SORL1: variants seen among roughly 807,000 people sequenced by gnomAD.
SORL1 encodes sortilin-related receptor.
A neutral mutation model predicts 273.7 loss-of-function variants in SORL1; 127 were observed. The observed-to-expected ratio is 0.46, with a 90% confidence interval of 0.40 to 0.54. The LOEUF (loss-of-function observed/expected upper bound fraction) is 0.54. Ranked by LOEUF, SORL1 falls within the 20% of genes least tolerant of loss-of-function variation. The probability of loss-of-function intolerance (pLI) is 0.00; values close to 1 mark genes in which losing one functional copy is unlikely to be tolerated. For synonymous variants in SORL1, 1,031 were observed against 1,067.4 expected (o/e 0.97, Z 0.66); for missense variants, 2,494 against 2,846.1 (o/e 0.88, Z 2.81).
intron 13 of SORL1, among the ~76,000 whole-genome samples, chr11:121,544,431 C>T (rs1862393312): frequency 6.6e-6 from 1 of 152,186 alleles, no homozygotes; most frequent in Non-Finnish European, 1.5e-5. Context: ...GTGTCTGTCA[C>T]TCGGTGTGTT....
rs376632694 is a variant in SORL1, at chr11:121,536,729, A to C, written c.1685+4177A>C. 1.7e-4 allele frequency among the ~76,000 whole-genome samples: 26 copies of C among 152,144 alleles called. 1 individual carries two copies. In the East Asian group the frequency reaches 3.9e-3, roughly 23 times the overall value. On this transcript the variant is annotated intron_variant, in intron 12 of 47. Coordinates refer to ENST00000260197, the MANE Select transcript of SORL1 (RefSeq NM_003105.6). Reference sequence around the variant, plus strand: ...GGTCTTTATCACCTTTTAACTGTTAAGAAACCGAGAAACGGAGTTGCAGTG... The same window carrying C: ...GGTCTTTATCACCTTTTAACTGTTACGAAACCGAGAAACGGAGTTGCAGTG...
chr11:121,536,648 A>G (rs745366844), intron 12 of SORL1, among the ~76,000 whole-genome samples: 12 of 151,614 alleles, frequency 7.9e-5, no homozygotes, highest in Non-Finnish European at 7.4e-5. Context: ...CCTGAGTTCA[A>G]AGTGATCCAC....
chr11:121,498,790 TG>T (rs1379601877), intron 6 of SORL1, among the ~76,000 whole-genome samples: 1 of 151,948 alleles, frequency 6.6e-6, no homozygotes, highest in Non-Finnish European at 1.5e-5. Flanking sequence ...GCAGGAGAAT[TG>T]CTTGAATTTG....
At chr11:121,541,377 A>T (rs962641476) in intron 12 of SORL1, among the ~76,000 whole-genome samples, 7 of 151,940 alleles carry the variant, frequency 4.6e-5, no homozygotes, top group East Asian at 1.9e-4. Context: ...CTAATTTTTT[A>T]AAAAAATTTT....
At chr11:121,617,214 G>C (rs1591355609) in intron 41 of SORL1, among the ~76,000 whole-genome samples, 1 of 152,266 alleles carries the variant, frequency 6.6e-6, no homozygotes, top group South Asian at 2.1e-4. Flanking sequence ...GATTGGGAGG[G>C]CCTGGAAGAA....
At chr11:121,619,634 T>C (rs1863692571) in intron 42 of SORL1, 119 bp from the exon 43 acceptor site, 4 of 830,748 alleles carry the variant, frequency 4.8e-6, no homozygotes, top group Non-Finnish European at 7.6e-6. Context: ...TTATATTTTA[T>C]GGTTTTTTGT....
chr11:121,504,720 C>T (rs972191637), intron 6 of SORL1, among the ~76,000 whole-genome samples: 2 of 152,098 alleles, frequency 1.3e-5, no homozygotes, highest in Non-Finnish European at 2.9e-5. Context: ...GGTAGAACCT[C>T]TAGTAAAATG....
intron 12 of SORL1, among the ~76,000 whole-genome samples, chr11:121,538,123 T>C (rs532817802): frequency 6.6e-6 from 1 of 152,262 alleles, no homozygotes; most frequent in South Asian, 2.1e-4. Flanking sequence ...TCTGTATCTA[T>C]TAATAAAAAC....
intron 11 of SORL1, among the ~76,000 whole-genome samples, chr11:121,528,560 T>C (rs1312543024): frequency 1.3e-5 from 2 of 152,208 alleles, no homozygotes; most frequent in East Asian, 1.9e-4. Context: ...TATTCAGTCA[T>C]CATCATTATC....
intron 32 of SORL1, among the ~76,000 whole-genome samples, chr11:121,603,282 C>T (rs1863421336): frequency 6.6e-6 from 1 of 152,322 alleles, no homozygotes. Flanking sequence ...GTAGCCCTTC[C>T]TTGTCCAGGA....
At chr11:121,608,810 G>C (rs979162533) in intron 38 of SORL1, 8 of 152,520 alleles carry the variant, frequency 5.2e-5, no homozygotes, top group African/African-American at 1.9e-4. Flanking sequence ...CCTGGAACCT[G>C]ATCTGCCTGA....
intron 46 of SORL1, among the ~76,000 whole-genome samples, chr11:121,625,838 A>T (rs897312302): frequency 6.6e-6 from 1 of 152,190 alleles, no homozygotes; most frequent in South Asian, 2.1e-4. Context: ...AAGTCTGCTT[A>T]CATTATAGTA....
chr11:121,598,621 T>C (rs1478466153), intron 32 of SORL1, among the ~76,000 whole-genome samples: 1 of 152,188 alleles, frequency 6.6e-6, no homozygotes. Flanking sequence ...TTGCAATGAG[T>C]CTTTGCCAGT....
At chr11:121,463,044 C>T (rs1413416064) in intron 1 of SORL1, among the ~76,000 whole-genome samples, 1 of 152,144 alleles carries the variant, frequency 6.6e-6, no homozygotes, top group African/African-American at 2.4e-5. Context: ...CAGGGAAATC[C>T]TCACGTAGGG....
chr11:121,514,124 G>A (rs374994499), intron 7 of SORL1, 28 bp from the exon 8 acceptor site: 139 of 1,603,906 alleles, frequency 8.7e-5, no homozygotes, highest in East Asian at 1.3e-4. Context: ...GTTTTTTGAC[G>A]TATCTTTTTT....
Position 121,550,804 on chromosome 11 carries a change from C to T in SORL1, c.2266+134C>T, listed in dbSNP as rs986988505. Reference sequence around the variant, plus strand: ...AATGGCCGTCACAAGCATCACAGGGCTTCCTCTTTTCCCTAAGGTTGGTTT... The same window carrying T: ...AATGGCCGTCACAAGCATCACAGGGTTTCCTCTTTTCCCTAAGGTTGGTTT... On this transcript the variant is annotated intron_variant, in intron 16 of 47. Coordinates refer to ENST00000260197, the MANE Select transcript of SORL1 (RefSeq NM_003105.6). This position sits in a 1 kb window ranked among gnomAD's most constrained non-coding sequence, Gnocchi z 5.3. 1 of 673,788 alleles carries T rather than the reference C, an allele frequency of 1.5e-6. No homozygotes were observed. The highest frequency in any genetic ancestry group is 1.8e-5 in the African/African-American group (1 of 54,900). The allele number at this position is 673,788 out of a possible 1,614,324, so 41.7% of individuals were successfully genotyped here. A position where few individuals can be genotyped will look rare whatever the true frequency, so the allele number is the denominator to read the frequency against.
At position 121,605,476 on chromosome 11, in the gene SORL1, A is replaced by T; in HGVS notation, c.4853A>T (p.Lys1618Ile). Residue 1618 changes from lysine (K) to isoleucine (I), a missense_variant, in exon 35 of 48, where the codon AAA (lysine) becomes ATA (isoleucine). Coordinates refer to ENST00000260197, the MANE Select transcript of SORL1 (RefSeq NM_003105.6). ...NKTNTVLKVL[K>I]PDTTYQVKVQ... ...ACAAACACTGTATTAAAAGTCTTGA[A>T]ACCAGATACCACGTATCAGGTTAAA... The T allele has an allele frequency of 6.2e-7, 1 of 1,614,156 alleles. No individual in the cohort carries two copies. The highest frequency in any genetic ancestry group is 1.3e-5 in the African/African-American group (1 of 75,030).
At position 121,607,527 on chromosome 11, in the gene SORL1, G is replaced by A. The variant is rs113304024; in HGVS notation, c.5166+237G>A. Among the ~76,000 whole-genome samples the A allele has an allele frequency of 6.1e-3, 926 of 152,280 alleles. 12 individuals carry two copies. Among genetic ancestry groups the A allele is most frequent in the African/African-American group, 0.021 (871 of 41,556 alleles). Reference sequence around the variant, plus strand: ...ATAACCGGGCGTTTATGGGAATGCCGCTTTCCCTGCTTTTAACTCCGGTAT... The same window carrying A: ...ATAACCGGGCGTTTATGGGAATGCCACTTTCCCTGCTTTTAACTCCGGTAT... On this transcript the variant is annotated intron_variant, in intron 37 of 47. Transcript: ENST00000260197.
intron 32 of SORL1, among the ~76,000 whole-genome samples, chr11:121,598,290 G>A (rs1312573489): frequency 1.3e-5 from 2 of 152,180 alleles, no homozygotes; most frequent in Non-Finnish European, 2.9e-5. Context: ...TGACCTCTTT[G>A]TATATTGGAG....
Sources: allele counts gnomAD v4.1 joint callset (sites outside exome capture counted in the v4.1 genomes callset), GRCh38; gene constraint gnomAD v4.1.1; non-coding constraint Gnocchi (gnomAD v3.1); transcripts MANE v1.5; gene names NCBI Gene and HGNC (gene_info 2026-07-23, HGNC 2026-07-21).